Variants in SENP6 observed in about 807,000 individuals in gnomAD.
The protein encoded by SENP6 is sentrin-specific protease 6.
In SENP6, 41 loss-of-function variants were observed where a neutral mutation model predicts 134.5. The observed-to-expected ratio is 0.30, with a 90% CI of 0.24 to 0.40. SENP6 has a LOEUF of 0.40. Ranked by LOEUF, SENP6 falls within the 10% of genes least tolerant of loss-of-function variation. SENP6 has a pLI of 1.00. For synonymous variants in SENP6, 395 were observed against 429.8 expected (o/e 0.92, Z 1.00); for missense variants, 1,248 against 1,312.5 (o/e 0.95, Z 0.76).
At chr6:75,708,409 C>T (rs1775546386) in intron 19 of SENP6, among the ~76,000 whole-genome samples, 1 of 151,018 alleles carries the variant, frequency 6.6e-6, no homozygotes, top group Non-Finnish European at 1.5e-5. Context: ...TCATGCTTTT[C>T]AAATTTTTGA....
At chr6:75,666,233 TATG>T (rs199816111) in intron 9 of SENP6, among the ~76,000 whole-genome samples, 15,366 of 146,334 alleles carry the variant, frequency 0.11, 848 homozygotes, top group East Asian at 0.17. Flanking sequence ...ATATATAAAA[TATG>T]ATATATAAAA....
chr6:75,640,818 A>G, intron 6 of SENP6, 114 bp downstream of exon 6: 2 of 600,570 alleles, frequency 3.3e-6, no homozygotes, highest in South Asian at 3.4e-5. Context: ...GCTTTTTTTA[A>G]TTTTAAAGTT....
intron 3 of SENP6, among the ~76,000 whole-genome samples, chr6:75,629,359 C>T (rs1466499121): frequency 1.3e-4 from 20 of 151,880 alleles, no homozygotes; most frequent in African/African-American, 4.8e-5. Flanking sequence ...AGTGCAGTGG[C>T]GCAATCTTGG....
intron 9 of SENP6, among the ~76,000 whole-genome samples, chr6:75,663,727 G>GT (rs113164953): frequency 0.079 from 11,776 of 149,448 alleles, 1,018 homozygotes; most frequent in African/African-American, 0.22. Context: ...TGAAGTGCTA[G>GT]TTATAACCAG....
intron 1 of SENP6, among the ~76,000 whole-genome samples, chr6:75,607,148 G>A (rs1767089145): frequency 6.6e-6 from 1 of 152,198 alleles, no homozygotes; most frequent in East Asian, 1.9e-4. Context: ...AGGAGTTGGA[G>A]ACCAGCCTGA....
At chr6:75,684,545 A>G (rs1364649183) in intron 16 of SENP6, among the ~76,000 whole-genome samples, 1 of 152,176 alleles carries the variant, frequency 6.6e-6, no homozygotes, top group Non-Finnish European at 1.5e-5. Context: ...TGTCATAAAT[A>G]GCTCTTATTA....
chr6:75,690,699 G>GT (rs112230632), intron 16 of SENP6, among the ~76,000 whole-genome samples: 43,807 of 145,500 alleles, frequency 0.3, 6,840 homozygotes, highest in Middle Eastern at 0.39. Context: ...TTTGTTTTTT[G>GT]TTTTTTTTTT....
intron 11 of SENP6, among the ~76,000 whole-genome samples, 160 bp downstream of exon 11, chr6:75,670,880 C>T (rs1201267037): frequency 6.6e-6 from 1 of 151,740 alleles, no homozygotes; most frequent in Non-Finnish European, 1.5e-5. Flanking sequence ...AATAGTAGCT[C>T]CTTGCCATTA....
chr6:75,673,712 C>G (rs1582827574), intron 11 of SENP6, among the ~76,000 whole-genome samples: 1 of 151,998 alleles, frequency 6.6e-6, no homozygotes, highest in African/African-American at 2.4e-5. Flanking sequence ...ATTCCTTTAT[C>G]TTATGCAACA....
intron 16 of SENP6, among the ~76,000 whole-genome samples, chr6:75,683,704 T>A (rs1229830766): frequency 6.6e-6 from 1 of 152,190 alleles, no homozygotes; most frequent in Non-Finnish European, 1.5e-5. Flanking sequence ...ATCAGATGGT[T>A]GTAGATGTGT....
chr6:75,616,970 C>CG (rs1221910387), intron 1 of SENP6, among the ~76,000 whole-genome samples: 2 of 151,582 alleles, frequency 1.3e-5, no homozygotes, highest in African/African-American at 4.8e-5. Context: ...CTCAATTGAT[C>CG]CTCCGTCCAA....
At chr6:75,607,316 C>T (rs1263679210) in intron 1 of SENP6, among the ~76,000 whole-genome samples, 1 of 151,882 alleles carries the variant, frequency 6.6e-6, no homozygotes, top group East Asian at 1.9e-4. Context: ...AAAAAAAGGT[C>T]ATCAGCTGCT....
At chr6:75,713,217 T>C (rs1466644080) in intron 21 of SENP6, among the ~76,000 whole-genome samples, 1 of 152,186 alleles carries the variant, frequency 6.6e-6, no homozygotes, top group African/African-American at 2.4e-5. Flanking sequence ...TTTTACTAAT[T>C]TTGAAGTACT....
At chr6:75,697,582 A>T (rs1275204336) in intron 18 of SENP6, 65 bp downstream of exon 18, 6 of 1,080,636 alleles carry the variant, frequency 5.6e-6, no homozygotes, top group East Asian at 2.4e-5. Flanking sequence ...TTTTTAAATA[A>T]TGAGTATGAG....
intron 19 of SENP6, 50 bp from the exon 20 acceptor site, chr6:75,709,477 G>A (rs1775622422): frequency 1.6e-6 from 2 of 1,253,934 alleles, no homozygotes; most frequent in Non-Finnish European, 2.3e-6. Flanking sequence ...CATATACTAT[G>A]AGTGATAGAC....
chr6:75,626,422 A>G (rs1403216523), intron 3 of SENP6, among the ~76,000 whole-genome samples: 1 of 151,920 alleles, frequency 6.6e-6, no homozygotes, highest in Non-Finnish European at 1.5e-5. Context: ...TTTTTACTTG[A>G]CAGTATGTTA....
intron 20 of SENP6, 41 bp from the exon 21 acceptor site, chr6:75,711,287 A>G (rs3765140): frequency 0.33 from 450,543 of 1,384,376 alleles, 79,342 homozygotes; most frequent in Non-Finnish European, 0.37. Context: ...AGTTATTTAG[A>G]TTATATATTT....
chr6:75,690,844 C>T (rs1187647163), intron 16 of SENP6, among the ~76,000 whole-genome samples: 1 of 151,054 alleles, frequency 6.6e-6, no homozygotes, highest in Non-Finnish European at 1.5e-5. Flanking sequence ...TACAGGCGCT[C>T]ACCACCACAC....
rs933977666 is a variant in SENP6 at position 75,713,796 on chromosome 6, G to A, written c.3100G>A (p.Val1034Ile). 3 of 1,611,582 alleles carry A rather than the reference G, an allele frequency of 1.9e-6. No individual in the cohort carries two copies. Among genetic ancestry groups the A allele is most frequent in the Non-Finnish European group, 2.5e-6 (3 of 1,178,818 alleles). Residue 1034 changes from valine to isoleucine, a missense_variant, in exon 23 of 24, where the codon GTA becomes ATA. Val to Ile is a conservative substitution (Grantham distance 29, BLOSUM62 3). This residue lies in a region of SENP6 where 386 missense variants were observed against 395.0 expected (regional missense o/e 0.98). Coordinates refer to ENST00000447266, the MANE Select transcript of SENP6 (RefSeq NM_015571.4). ...QNNFSDCGVY[V>I]LQYVESFFEN... is the part of the protein sequence containing the mutation. Reference sequence around the variant, plus strand: ...CAACTTCAGTGACTGTGGTGTATATGTATTGCAGTATGTAGAGAGCTTTTT... The same window carrying A: ...CAACTTCAGTGACTGTGGTGTATATATATTGCAGTATGTAGAGAGCTTTTT...
Sources: gnomAD v4.1 joint callset for allele counts (sites outside exome capture counted in the v4.1 genomes callset) on GRCh38, gnomAD v4.1.1 for gene constraint, gnomAD v4.1.1 regional missense constraint, MANE v1.5 for transcripts, NCBI Gene and HGNC (gene_info 2026-07-23, HGNC 2026-07-21) for gene names.